C10orf67: variants seen among roughly 807,000 people sequenced by gnomAD.
C10orf67 encodes uncharacterized protein C10orf67, mitochondrial.
Under a neutral mutation model 35.6 loss-of-function variants are expected in C10orf67, and 60 were observed. That is an observed-to-expected ratio of 1.68 (90% CI 1.37 to 2.09). The LOEUF (loss-of-function observed/expected upper bound fraction) is 2.09, where lower values mean the gene tolerates loss of function less well. C10orf67 is among the 30% of genes most tolerant of loss of function. C10orf67 has a pLI of 0.00. For missense variants in C10orf67, 474 were observed against 330.2 expected (o/e 1.44, Z -3.38); for synonymous variants, 167 against 115.8 (o/e 1.44, Z -2.84).
chr10:23,223,902 A>G, intron 13 of C10orf67, 84 bp from the exon 14 acceptor site: 1 of 687,078 alleles, frequency 1.5e-6, no homozygotes, highest in Non-Finnish European at 2.7e-6. Flanking sequence ...TCCAGCCTTT[A>G]GTTGACCAAG....
intron 4 of C10orf67, among the ~76,000 whole-genome samples, chr10:23,309,853 T>G (rs1052484669): frequency 6.6e-6 from 1 of 152,210 alleles, no homozygotes; most frequent in African/African-American, 2.4e-5. Flanking sequence ...TAACCTTGTT[T>G]TATTAGTGCA....
At chr10:23,313,239 A>G (rs1294302555) in intron 4 of C10orf67, among the ~76,000 whole-genome samples, 1 of 152,222 alleles carries the variant, frequency 6.6e-6, no homozygotes, top group East Asian at 1.9e-4. Context: ...TCTCTTGACC[A>G]CTGGATTATC....
intron 13 of C10orf67, among the ~76,000 whole-genome samples, chr10:23,228,468 C>A (rs1418482417): frequency 2.0e-5 from 3 of 152,138 alleles, no homozygotes; most frequent in Non-Finnish European, 4.4e-5. Context: ...AAACGTTAGA[C>A]CTAAAACCAT....
intron 15 of C10orf67, among the ~76,000 whole-genome samples, chr10:23,218,035 T>A (rs1477160415): frequency 6.6e-6 from 1 of 152,216 alleles, no homozygotes; most frequent in Non-Finnish European, 1.5e-5. Flanking sequence ...AGCCTCTTAT[T>A]TTTGTCATCA....
chr10:23,287,316 A>G (rs950410362), intron 7 of C10orf67, among the ~76,000 whole-genome samples: 4 of 152,184 alleles, frequency 2.6e-5, no homozygotes, highest in Non-Finnish European at 5.9e-5. Flanking sequence ...CTCAGAAATA[A>G]CACCACACAT....
At chr10:23,301,302 C>T (rs1588669383) in intron 5 of C10orf67, among the ~76,000 whole-genome samples, 1 of 152,140 alleles carries the variant, frequency 6.6e-6, no homozygotes, top group South Asian at 2.1e-4. Context: ...AAGCTGGCTC[C>T]AGGCAGACCA....
At chr10:23,316,689 G>C (rs1844723485) in intron 4 of C10orf67, 1 of 152,850 alleles carries the variant, frequency 6.5e-6, no homozygotes. Context: ...CATCTGCTCA[G>C]CTCCCAGCTA....
chr10:23,228,711 G>T (rs750495907), intron 13 of C10orf67, among the ~76,000 whole-genome samples: 5 of 152,150 alleles, frequency 3.3e-5, no homozygotes, highest in African/African-American at 4.8e-5. Flanking sequence ...CTAATATCCA[G>T]AATCTACAAA....
At chr10:23,253,949 A>C (rs1184348411) in intron 10 of C10orf67, among the ~76,000 whole-genome samples, 1 of 152,160 alleles carries the variant, frequency 6.6e-6, no homozygotes, top group Non-Finnish European at 1.5e-5. Context: ...ACTTTGCTGC[A>C]ACATGGTCTA....
chr10:23,222,488 A>C (rs756870001), intron 15 of C10orf67, among the ~76,000 whole-genome samples: 1 of 152,146 alleles, frequency 6.6e-6, no homozygotes, highest in Non-Finnish European at 1.5e-5. Flanking sequence ...GGAATAACAG[A>C]CACCGGGGTC....
intron 12 of C10orf67, among the ~76,000 whole-genome samples, chr10:23,248,335 G>A (rs1383712120): frequency 2.0e-5 from 3 of 152,300 alleles, no homozygotes; most frequent in Middle Eastern, 3.4e-3. Context: ...CTGTTTGTGC[G>A]ACAATGATGA....
At chr10:23,249,525 T>C (rs114829245) in intron 12 of C10orf67, among the ~76,000 whole-genome samples, 1 of 152,306 alleles carries the variant, frequency 6.6e-6, no homozygotes, top group African/African-American at 2.4e-5. Context: ...TACAAGGTGT[T>C]TTTGCCCTGA....
chr10:23,264,389 G>A lies in C10orf67; in HGVS notation c.1200+1873C>T, dbSNP rs370503689. On this transcript the variant is annotated intron_variant, in intron 10 of 15. Transcript: ENST00000636213. ...GTTTAAGTAATCTCTCCCCTCCCCC[G>A]GTCCAATTTTGACTTATTGTTATAT... Among the ~76,000 whole-genome samples the A allele has an allele frequency of 7.2e-5, 11 of 152,104 alleles. No individual in the cohort carries two copies. In the South Asian group the frequency reaches 1.0e-3, roughly 14 times the overall value.
chr10:23,265,667 AG>A (rs1175511910), intron 10 of C10orf67, among the ~76,000 whole-genome samples: 5 of 152,356 alleles, frequency 3.3e-5, no homozygotes, highest in Middle Eastern at 6.8e-3. Context: ...TGTAGTGAGC[AG>A]TGCCTCATAA....
At chr10:23,337,590 A>C (rs1002183534) in intron 1 of C10orf67, among the ~76,000 whole-genome samples, 1 of 152,226 alleles carries the variant, frequency 6.6e-6, no homozygotes, top group African/African-American at 2.4e-5. Flanking sequence ...GGTTAGAATA[A>C]GTTTTAGAAA....
chr10:23,328,809 C>T (rs1388904493), intron 2 of C10orf67, among the ~76,000 whole-genome samples: 1 of 150,066 alleles, frequency 6.7e-6, no homozygotes, highest in African/African-American at 2.4e-5. Flanking sequence ...CATAGTGAAA[C>T]CCCATCTCTA....
chr10:23,284,476 A>C (rs936238955), intron 7 of C10orf67, among the ~76,000 whole-genome samples: 5 of 151,812 alleles, frequency 3.3e-5, no homozygotes, highest in African/African-American at 1.2e-4. Flanking sequence ...TGAGCCCAGG[A>C]GTTCGAGACC....
chr10:23,225,510 C>T lies in C10orf67; in HGVS notation c.1435-1692G>A, dbSNP rs191403880. 1.2e-3 allele frequency among the ~76,000 whole-genome samples: 186 copies of T among 152,246 alleles called. 1 individual carries two copies. The highest frequency in any genetic ancestry group is 4.1e-3 in the African/African-American group (170 of 41,550). On this transcript the variant is annotated intron_variant, in intron 13 of 15. Transcript: ENST00000636213. ...CATCATAATGACAGGATCAAATTCA[C>T]ACATAACAATATTAACCATAAATGT... is the stretch of plus-strand genomic sequence containing the variant.
intron 15 of C10orf67, among the ~76,000 whole-genome samples, chr10:23,214,893 C>T (rs146826111): frequency 2.9e-3 from 447 of 152,082 alleles, no homozygotes; most frequent in African/African-American, 0.01. Flanking sequence ...CATGGTGGCA[C>T]GCACCTGTAA....
Sources: gnomAD v4.1 joint callset for allele counts (sites outside exome capture counted in the v4.1 genomes callset) on GRCh38, gnomAD v4.1.1 for gene constraint, MANE v1.5 for transcripts, NCBI Gene and HGNC (gene_info 2026-07-23, HGNC 2026-07-21) for gene names.